LY9: variants seen among roughly 807,000 people sequenced by gnomAD.
LY9 encodes the protein lymphocyte antigen 9.
In LY9, 59 loss-of-function variants were observed where a neutral mutation model predicts 64.6. That is an observed-to-expected ratio of 0.91 (90% CI 0.74 to 1.13). The LOEUF (loss-of-function observed/expected upper bound fraction) is 1.13, where lower values mean the gene tolerates loss of function less well. LY9 is among the 50% of genes most tolerant of loss of function. The pLI is 0.00. For missense variants in LY9, 789 were observed against 797.2 expected (o/e 0.99, Z 0.12); for synonymous variants, 281 against 308.5 (o/e 0.91, Z 0.93).
intron 6 of LY9, 88 bp from the exon 7 acceptor site, chr1:160,819,233 C>A: frequency 1.0e-6 from 1 of 981,232 alleles, no homozygotes; most frequent in South Asian, 1.3e-5. Flanking sequence ...CCAGAAGTCT[C>A]TCCCCTTCTC....
chr1:160,802,681 A>G (rs988788294), intron 2 of LY9: 1 of 980,752 alleles, frequency 1.0e-6, no homozygotes, highest in South Asian at 4.7e-5. Context: ...ATTAAACTGC[A>G]CATGGTCTCT....
At chr1:160,814,790 C>A (rs1667811092) in intron 4 of LY9, 29 bp downstream of exon 4, 3 of 1,568,988 alleles carry the variant, frequency 1.9e-6, no homozygotes, top group Non-Finnish European at 2.6e-6. Flanking sequence ...CACCCATCAC[C>A]AGATTCCTTC....
chr1:160,810,799 G>A (rs1464614471), intron 2 of LY9: 1 of 152,182 alleles, frequency 6.6e-6, no homozygotes, highest in Non-Finnish European at 1.5e-5. Flanking sequence ...CTTGAGATAT[G>A]ATTCACCCTG....
intron 2 of LY9, among the ~76,000 whole-genome samples, chr1:160,804,452 T>A (rs1570984507): frequency 6.6e-6 from 1 of 152,164 alleles, no homozygotes; most frequent in Non-Finnish European, 1.5e-5. Flanking sequence ...CTTGATCATG[T>A]ATTATCTTTT....
rs145603103 is a variant in LY9 at position 160,828,069 on chromosome 1, A to C, written c.*253A>C. 2.5e-3 allele frequency: 717 copies of C among 282,266 alleles called. 4 individuals carry two copies. The highest frequency in any genetic ancestry group is 0.014 in the African/African-American group (657 of 45,394). 17.5% of individuals were successfully genotyped at this position (282,266 alleles called of 1,614,324 possible). A position where few individuals can be genotyped will look rare whatever the true frequency, so the allele number is the denominator to read the frequency against. ...GCCCCATTTGTCACCTCGCACACTT[A>C]TAGCGTTTCCTCCTCGAAATTCTAC... On this transcript the variant is annotated 3_prime_UTR_variant, in exon 10 of 10. Coordinates refer to ENST00000263285, the MANE Select transcript of LY9 (RefSeq NM_002348.4).
intron 8 of LY9, 144 bp downstream of exon 8, chr1:160,823,940 C>A: frequency 1.3e-6 from 1 of 773,988 alleles, no homozygotes; most frequent in Non-Finnish European, 2.1e-6. Flanking sequence ...TGGCTGTGTC[C>A]ATGTTTACCA....
At chr1:160,814,850 G>T in intron 4 of LY9, 89 bp downstream of exon 4, 2 of 1,081,226 alleles carry the variant, frequency 1.8e-6, no homozygotes, top group Non-Finnish European at 2.7e-6. Context: ...CTTCTCCAAG[G>T]GTCTTCCCTC....
chr1:160,810,466 CTCT>C (rs1468377442), intron 2 of LY9: 1 of 152,212 alleles, frequency 6.6e-6, no homozygotes, highest in Non-Finnish European at 1.5e-5. Context: ...ATGTCCTAAT[CTCT>C]TCTTATAAGC....
chr1:160,814,815 C>G (rs1248970691), intron 4 of LY9, 54 bp downstream of exon 4: 1 of 1,425,242 alleles, frequency 7.0e-7, no homozygotes. Context: ...AAAGCTTTCT[C>G]CTCTGCTGCC....
chr1:160,813,319 C>T (rs1306068475), intron 2 of LY9: 1 of 361,640 alleles, frequency 2.8e-6, no homozygotes, highest in Non-Finnish European at 5.0e-6. Context: ...GAGTGTTTTT[C>T]ATAAGGCAGG....
At position 160,800,013 on chromosome 1, in the gene LY9, T is replaced by C; in HGVS notation, c.385T>C (p.Tyr129His). The C allele has an allele frequency of 4.3e-6, 7 of 1,614,166 alleles. No homozygotes were observed. The highest frequency in any genetic ancestry group is 5.9e-6 in the Non-Finnish European group (7 of 1,180,006). ...SNLTLNDAGS[Y>H]KAQINQRNFE... ...TCTGACTCTGAATGATGCAGGATCC[T>C]ACAAAGCCCAGATAAACCAAAGGAA... The change falls in exon 2 of 10, where the codon TAC becomes CAC. Residue 129 changes from tyrosine to histidine, a missense_variant. Tyr to His is a moderately conservative substitution (Grantham distance 83, BLOSUM62 2). Coordinates refer to ENST00000263285, the MANE Select transcript of LY9 (RefSeq NM_002348.4).
intron 2 of LY9, chr1:160,800,353 C>A (rs1666336006): frequency 5.5e-6 from 2 of 361,568 alleles, no homozygotes; most frequent in East Asian, 5.2e-5. Flanking sequence ...CCACTCCCCA[C>A]ACTCACCCTT....
At chr1:160,797,285 G>C (rs952100445) in intron 1 of LY9, 3 of 985,372 alleles carry the variant, frequency 3.0e-6, no homozygotes, top group Non-Finnish European at 3.6e-6. Flanking sequence ...GGTAGCACTA[G>C]AGATCTGAGA....
chr1:160,802,012 C>A, intron 2 of LY9: 3 of 1,510,916 alleles, frequency 2.0e-6, no homozygotes, highest in Non-Finnish European at 2.7e-6. Flanking sequence ...GGGACCCTGC[C>A]AGGCCCAGTG....
intron 8 of LY9, 140 bp from the exon 9 acceptor site, chr1:160,824,041 G>A (rs1397002594): frequency 1.3e-5 from 13 of 1,007,794 alleles, no homozygotes; most frequent in Middle Eastern, 3.2e-4. Context: ...CAGAGGCACC[G>A]TCCCCACTGC....
intron 3 of LY9, 103 bp downstream of exon 3, chr1:160,814,014 A>G: frequency 7.8e-7 from 1 of 1,279,000 alleles, no homozygotes; most frequent in Non-Finnish European, 1.1e-6. Context: ...GGGGTGGGGA[A>G]GCAAGAGGAC....
intron 1 of LY9, chr1:160,796,973 A>G (rs769664565): frequency 2.6e-4 from 66 of 249,540 alleles, no homozygotes; most frequent in Non-Finnish European, 4.0e-4. Context: ...CTTTCTATGT[A>G]TCCTGCCTTG....
chr1:160,806,026 T>A (rs1033232187), intron 2 of LY9, among the ~76,000 whole-genome samples: 8 of 151,858 alleles, frequency 5.3e-5, no homozygotes, highest in Non-Finnish European at 2.9e-5. Flanking sequence ...TGCATGGAAT[T>A]GTTTTTCCAT....
At chr1:160,798,243 C>T (rs35237586) in intron 1 of LY9, among the ~76,000 whole-genome samples, 43,786 of 151,932 alleles carry the variant, frequency 0.29, 6,627 homozygotes, top group Non-Finnish European at 0.35. Flanking sequence ...GACCCAGCAG[C>T]TCCTGGGCTT....
Sources: allele counts gnomAD v4.1 joint callset (sites outside exome capture counted in the v4.1 genomes callset), GRCh38; gene constraint gnomAD v4.1.1; transcripts MANE v1.5; gene names NCBI Gene and HGNC (gene_info 2026-07-23, HGNC 2026-07-21).